The following PEAK1 variants were observed in gnomAD, a reference collection of about 807,000 sequenced individuals.
PEAK1 encodes the protein inactive tyrosine-protein kinase PEAK1.
PEAK1 carries 54 observed loss-of-function variants against 124.7 expected under a neutral mutation model. That is an observed-to-expected ratio of 0.43 (90% CI 0.35 to 0.54). The LOEUF (loss-of-function observed/expected upper bound fraction) is 0.54, where lower values mean the gene tolerates loss of function less well. Ranked by LOEUF, PEAK1 falls within the 20% of genes least tolerant of loss-of-function variation. The pLI is 0.01. For missense variants in PEAK1, 2,046 were observed against 2,134.5 expected (o/e 0.96, Z 0.82); for synonymous variants, 719 against 760.0 (o/e 0.95, Z 0.89).
chr15:77,348,201 A>AC, intron 2 of PEAK1: 1 of 973,826 alleles, frequency 1.0e-6, no homozygotes, highest in Non-Finnish European at 1.2e-6. Context: ...AAAAAAAAAA[A>AC]GAAGACTGGG....
At position 77,111,057 on chromosome 15, in the gene PEAK1, T is replaced by C. The variant is rs903482517; in HGVS notation, c.*3099A>G. 4 of 152,254 alleles carry C rather than the reference T, an allele frequency of 2.6e-5. No individual in the cohort carries two copies. Among genetic ancestry groups the C allele is most frequent in the African/African-American group, 9.6e-5 (4 of 41,462 alleles). The allele number at this position is 152,254 out of a possible 1,614,324, so 9.4% of individuals were successfully genotyped here. On this transcript the variant is annotated 3_prime_UTR_variant, in exon 10 of 10. Coordinates refer to ENST00000682557, the MANE Select transcript of PEAK1 (RefSeq NM_001385026.1). Reference sequence around the variant, plus strand: ...GTGTCACAGAGATTGTTCATGCTCATGTGGCTTAAGGAAAAGTTCCAATAG... The same window carrying C: ...GTGTCACAGAGATTGTTCATGCTCACGTGGCTTAAGGAAAAGTTCCAATAG...
At chr15:77,160,442 C>A (rs147062380) in intron 7 of PEAK1, among the ~76,000 whole-genome samples, 1,770 of 152,266 alleles carry the variant, frequency 0.012, 43 homozygotes, top group African/African-American at 0.04. Context: ...CTTTGGGAGG[C>A]TGAGGCGGGC....
intron 7 of PEAK1, among the ~76,000 whole-genome samples, chr15:77,168,302 C>T (rs1484979233): frequency 6.6e-6 from 1 of 151,012 alleles, no homozygotes; most frequent in Non-Finnish European, 1.5e-5. Context: ...TAGAGAGTAC[C>T]AAACCTTTCC....
chr15:77,340,459 G>T (rs74248527), intron 2 of PEAK1, among the ~76,000 whole-genome samples: 2 of 152,098 alleles, frequency 1.3e-5, no homozygotes, highest in Non-Finnish European at 2.9e-5. Flanking sequence ...AGGGTTCAGC[G>T]GCGAGGAAGG....
chr15:77,126,713 G>T (rs1014264204), intron 9 of PEAK1, among the ~76,000 whole-genome samples: 1 of 152,216 alleles, frequency 6.6e-6, no homozygotes, highest in African/African-American at 2.4e-5. Flanking sequence ...AGAGGCGCAT[G>T]ACTTGCATAA....
intron 1 of PEAK1, among the ~76,000 whole-genome samples, chr15:77,390,845 C>T (rs2070389913): frequency 6.6e-6 from 1 of 152,222 alleles, no homozygotes; most frequent in Non-Finnish European, 1.5e-5. Context: ...ATCCCCAGCT[C>T]TTAAACAGGA....
intron 6 of PEAK1, among the ~76,000 whole-genome samples, chr15:77,217,430 T>C (rs2059198499): frequency 6.6e-6 from 1 of 152,124 alleles, no homozygotes; most frequent in Non-Finnish European, 1.5e-5. Flanking sequence ...ATCTGATTAT[T>C]ATGAGTGTTT....
chr15:77,221,295 G>A (rs939738850), intron 6 of PEAK1, among the ~76,000 whole-genome samples: 2 of 152,052 alleles, frequency 1.3e-5, no homozygotes, highest in African/African-American at 4.8e-5. Flanking sequence ...CTAAATGATT[G>A]CCCTGTTGTA....
At chr15:77,184,155 C>A (rs2057420689) in intron 6 of PEAK1, among the ~76,000 whole-genome samples, 1 of 151,378 alleles carries the variant, frequency 6.6e-6, no homozygotes, top group African/African-American at 2.4e-5. Context: ...TGCATTTAAA[C>A]AATATAAAAA....
chr15:77,171,934 T>C (rs1596459392), intron 7 of PEAK1, among the ~76,000 whole-genome samples: 1 of 152,192 alleles, frequency 6.6e-6, no homozygotes. Flanking sequence ...AATTGCCTTA[T>C]TTGCTTCTGC....
At chr15:77,267,591 G>A (rs1212626768) in intron 5 of PEAK1, among the ~76,000 whole-genome samples, 2 of 152,114 alleles carry the variant, frequency 1.3e-5, no homozygotes, top group African/African-American at 4.8e-5. Flanking sequence ...TCTGCTGGGT[G>A]GCTAGATCCA....
intron 1 of PEAK1, chr15:77,402,241 C>T (rs1007463531): frequency 8.1e-6 from 8 of 982,420 alleles, no homozygotes; most frequent in African/African-American, 1.8e-5. Context: ...CAGTAAAATT[C>T]AGAATGGAAC....
At chr15:77,387,601 C>T (rs1013832761) in intron 1 of PEAK1, among the ~76,000 whole-genome samples, 6 of 152,040 alleles carry the variant, frequency 3.9e-5, no homozygotes, top group Admixed American at 3.9e-4. Flanking sequence ...CAGTGACATA[C>T]CTAAGCAGCC....
At chr15:77,333,518 C>T in intron 2 of PEAK1, 1 of 852,102 alleles carries the variant, frequency 1.2e-6, no homozygotes, top group Non-Finnish European at 1.4e-6. Context: ...AATAATTTCT[C>T]CACTACTTGA....
intron 2 of PEAK1, among the ~76,000 whole-genome samples, chr15:77,290,315 G>A (rs1310629965): frequency 1.3e-5 from 2 of 152,148 alleles, no homozygotes; most frequent in African/African-American, 4.8e-5. Context: ...AGTAGAGATG[G>A]GGTTTCATCA....
At position 77,278,832 on chromosome 15, in the gene PEAK1, G is replaced by GTTTTTTT. The variant is rs34583265; in HGVS notation, c.-275+5044_-275+5050dup. The GTTTTTTT allele has an allele frequency of 1.3e-4, 29 of 226,004 alleles. 1 individual carries two copies. The highest frequency in any genetic ancestry group is 2.7e-4 in the East Asian group (2 of 7,498). 14.0% of individuals were successfully genotyped at this position (226,004 alleles called of 1,614,324 possible). ...TTTATAAAAATGCAAAATTTTGTGGGTTTTTTTTTTTTTTTTTTGAGACAG... is the reference window on the plus strand; with the variant it reads ...TTTATAAAAATGCAAAATTTTGTGGGTTTTTTTTTTTTTTTTTTTTTTTTTGAGACAG... On this transcript the variant is annotated intron_variant, in intron 5 of 9. Transcript: ENST00000682557.
chr15:77,271,442 A>G (rs1284150246), intron 5 of PEAK1, among the ~76,000 whole-genome samples: 1 of 152,210 alleles, frequency 6.6e-6, no homozygotes, highest in Admixed American at 6.5e-5. Context: ...ATATACCCAA[A>G]GGATTATAAA....
intron 2 of PEAK1, among the ~76,000 whole-genome samples, chr15:77,313,982 ACAT>A (rs934280547): frequency 4.0e-4 from 61 of 152,186 alleles, no homozygotes; most frequent in African/African-American, 1.4e-3. Flanking sequence ...AGCAAGGTTA[ACAT>A]CAACAGCGAT....
chr15:77,382,239 G>C (rs1399280068), intron 1 of PEAK1, among the ~76,000 whole-genome samples: 1 of 152,096 alleles, frequency 6.6e-6, no homozygotes, highest in Non-Finnish European at 1.5e-5. Context: ...GCAAAGTTCT[G>C]ACTTGACAGC....
Sources: gnomAD v4.1 joint callset for allele counts (sites outside exome capture counted in the v4.1 genomes callset) on GRCh38, gnomAD v4.1.1 for gene constraint, MANE v1.5 for transcripts, NCBI Gene and HGNC (gene_info 2026-07-23, HGNC 2026-07-21) for gene names.